Variants in GFRA2 observed in about 807,000 individuals in gnomAD.
GFRA2 encodes the protein GDNF family receptor alpha 2, also known as GDNF family receptor alpha-2.
In GFRA2, 17 loss-of-function variants were observed where a neutral mutation model predicts 48.3. The observed-to-expected ratio is 0.35, with a 90% CI of 0.24 to 0.53. GFRA2 has a LOEUF of 0.53. Ranked by LOEUF, GFRA2 falls within the 20% of genes least tolerant of loss-of-function variation. GFRA2 has a pLI of 0.93. For missense variants in GFRA2, 660 were observed against 637.3 expected (o/e 1.04, Z -0.38); for synonymous variants, 305 against 257.2 (o/e 1.19, Z -1.78).
At chr8:21,721,545 C>T (rs1267710592) in intron 4 of GFRA2, among the ~76,000 whole-genome samples, 1 of 152,326 alleles carries the variant, frequency 6.6e-6, no homozygotes, top group South Asian at 2.1e-4. Context: ...GCCCGCTGCA[C>T]CTCTCCATGC....
At chr8:21,800,374 G>A (rs982391660) in intron 2 of GFRA2, among the ~76,000 whole-genome samples, 13 of 152,306 alleles carry the variant, frequency 8.5e-5, no homozygotes, top group East Asian at 1.9e-4. Flanking sequence ...GATCCGAGAA[G>A]GTGAATCTGC....
At chr8:21,725,309 G>A (rs1345186301) in intron 4 of GFRA2, among the ~76,000 whole-genome samples, 1 of 152,198 alleles carries the variant, frequency 6.6e-6, no homozygotes, top group African/African-American at 2.4e-5. Context: ...GCAATCGGCA[G>A]CTGTGGTCAG....
chr8:21,776,910 G>A (rs1050244675), intron 2 of GFRA2, among the ~76,000 whole-genome samples: 13 of 152,136 alleles, frequency 8.5e-5, no homozygotes, highest in Admixed American at 2.6e-4. Context: ...CTTGGGGTGG[G>A]GTTACCAGCC....
intron 4 of GFRA2, among the ~76,000 whole-genome samples, chr8:21,742,642 A>AGTGTGTCTGCCCCT (rs1389353669): frequency 6.6e-6 from 1 of 152,206 alleles, no homozygotes; most frequent in East Asian, 1.9e-4. Context: ...GGTGGCTGAA[A>AGTGTGTCTGCCCCT]GTGTGTCTGC....
At chr8:21,698,251 CCT>C (rs973994517) in intron 7 of GFRA2, among the ~76,000 whole-genome samples, 1 of 152,210 alleles carries the variant, frequency 6.6e-6, no homozygotes, top group African/African-American at 2.4e-5. Context: ...AGAGCTGACC[CCT>C]GAGGGCTGTG....
intron 8 of GFRA2, 107 bp downstream of exon 8, chr8:21,694,357 G>T: frequency 9.2e-7 from 1 of 1,090,726 alleles, no homozygotes; most frequent in Non-Finnish European, 1.3e-6. Context: ...AGCTGGCCCA[G>T]CCCATGCGAT....
chr8:21,742,792 G>GGGTCC (rs1361331673), intron 4 of GFRA2, among the ~76,000 whole-genome samples: 1 of 152,176 alleles, frequency 6.6e-6, no homozygotes, highest in Non-Finnish European at 1.5e-5. Context: ...AGAGATGCCT[G>GGGTCC]GGTCCTCAAG....
intron 2 of GFRA2, among the ~76,000 whole-genome samples, chr8:21,778,757 C>T (rs1241600667): frequency 1.4e-4 from 21 of 152,016 alleles, no homozygotes; most frequent in African/African-American, 2.7e-4. Flanking sequence ...CGTAGTGGCA[C>T]GTGCCTGTAG....
intron 1 of GFRA2, among the ~76,000 whole-genome samples, chr8:21,806,671 T>C (rs1461124347): frequency 1.3e-5 from 2 of 152,188 alleles, no homozygotes; most frequent in Non-Finnish European, 2.9e-5. Context: ...CTTGCCGTGT[T>C]GCCTAGACTG....
intron 4 of GFRA2, among the ~76,000 whole-genome samples, chr8:21,735,458 C>G (rs1013186873): frequency 1.4e-4 from 22 of 152,020 alleles, no homozygotes; most frequent in African/African-American, 4.8e-4. Context: ...CGCACACACA[C>G]AGGAGATGAG....
At position 21,767,243 on chromosome 8, in the gene GFRA2, CAT is replaced by C. The variant is rs1806214013; in HGVS notation, c.439+7727_439+7728del. ...ACACACACACACACCACCTCACACACATCACATACACACACCACCACCACATA... is the reference window on the plus strand; with the variant it reads ...ACACACACACACACCACCTCACACACCACATACACACACCACCACCACATA... On this transcript the variant is annotated intron_variant, in intron 3 of 8. Coordinates refer to ENST00000524240, the MANE Select transcript of GFRA2 (RefSeq NM_001495.5). 2.0e-5 allele frequency among the ~76,000 whole-genome samples: 3 copies of C among 151,302 alleles called. No individual in the cohort carries two copies. In the South Asian group the frequency reaches 6.3e-4, roughly 32 times the overall value.
At position 21,788,770 on chromosome 8, in the gene GFRA2, T is replaced by C. The variant is rs1807414770; in HGVS notation, c.-611A>G. On this transcript the variant is annotated 5_prime_UTR_variant, in exon 1 of 9. Coordinates refer to ENST00000524240, the MANE Select transcript of GFRA2 (RefSeq NM_001495.5). ...CCTTGCTCGGCTCACTTTTTTCTAA[T>C]GGAATTCCAGTGACCGTGTGTCTCT... is the stretch of plus-strand genomic sequence containing the variant. The C allele has an allele frequency of 2.0e-6, 2 of 985,334 alleles. No individual in the cohort carries two copies. The highest frequency in any genetic ancestry group is 1.7e-5 in the African/African-American group (1 of 57,228). The allele number at this position is 985,334 out of a possible 1,614,324, so 61.0% of individuals were successfully genotyped here.
At chr8:21,773,892 A>G (rs1286945336) in intron 3 of GFRA2, among the ~76,000 whole-genome samples, 2 of 152,164 alleles carry the variant, frequency 1.3e-5, no homozygotes, top group African/African-American at 4.8e-5. Flanking sequence ...GCTGGCATCC[A>G]GTGGGGCCGG....
At position 21,742,730 on chromosome 8, in the gene GFRA2, T is replaced by C. The variant is rs1461082326; in HGVS notation, c.794+7858A>G. On this transcript the variant is annotated intron_variant, in intron 4 of 8. Coordinates refer to ENST00000524240, the MANE Select transcript of GFRA2 (RefSeq NM_001495.5). ...AAACTATGCTGGCTTGCATTCGGAT[T>C]CTCCCTGTGTAAGTGACCTGCCACG... Among the ~76,000 whole-genome samples, 5 of 152,278 alleles carry C rather than the reference T, an allele frequency of 3.3e-5. No homozygotes were observed. The East Asian group carries it at 7.7e-4, about 23-fold the overall frequency.
chr8:21,791,839 G>A (rs1807579045), upstream of GFRA2, among the ~76,000 whole-genome samples: 1 of 152,214 alleles, frequency 6.6e-6, no homozygotes, highest in Admixed American at 6.5e-5. Context: ...AAAGCTACAG[G>A]GGTTCAAGGG....
chr8:21,769,212 C>A, intron 3 of GFRA2: 1 of 983,212 alleles, frequency 1.0e-6, no homozygotes, highest in Non-Finnish European at 1.2e-6. Flanking sequence ...ATTTACTGAA[C>A]AAAACATGCT....
At chr8:21,797,201 T>G (rs947265207) in intron 2 of GFRA2, among the ~76,000 whole-genome samples, 19 of 151,976 alleles carry the variant, frequency 1.3e-4, no homozygotes, top group African/African-American at 4.3e-4. Flanking sequence ...AGTGACAGGA[T>G]CTTGTTTGAC....
At chr8:21,790,377 A>G (rs1807538038), upstream of GFRA2, among the ~76,000 whole-genome samples, 1 of 152,224 alleles carries the variant, frequency 6.6e-6, no homozygotes, top group Non-Finnish European at 1.5e-5. Flanking sequence ...TGAATTTGAT[A>G]GTACCGTTTA....
chr8:21,708,077 G>A (rs900828771), intron 4 of GFRA2, among the ~76,000 whole-genome samples: 1 of 152,210 alleles, frequency 6.6e-6, no homozygotes, highest in Non-Finnish European at 1.5e-5. Flanking sequence ...AACAAGGTGG[G>A]CACCATTTCT....
Sources: gnomAD v4.1 joint callset for allele counts (sites outside exome capture counted in the v4.1 genomes callset) on GRCh38, gnomAD v4.1.1 for gene constraint, MANE v1.5 for transcripts, NCBI Gene and HGNC (gene_info 2026-07-23, HGNC 2026-07-21) for gene names.